FSTL4: variants seen among roughly 807,000 people sequenced by gnomAD.
The protein encoded by FSTL4 is follistatin like 4.
FSTL4 carries 28 observed loss-of-function variants against 78.2 expected under a neutral mutation model. The ratio of observed to expected loss-of-function variants is 0.36; its 90% confidence interval spans 0.27 to 0.49. The LOEUF (loss-of-function observed/expected upper bound fraction) is 0.49. Among genes scored for constraint, FSTL4 ranks in the 20% least tolerant of loss-of-function variants. The probability of loss-of-function intolerance (pLI) is 0.98; values close to 1 mark genes in which losing one functional copy is unlikely to be tolerated. For synonymous variants in FSTL4, 422 were observed against 440.5 expected, an observed-to-expected ratio of 0.96 and a Z score of 0.53; for missense variants, 922 against 1,084.9, an observed-to-expected ratio of 0.85 and a Z score of 2.11.
chr5:133,686,913 G>A, the FSTL4 span, among the ~76,000 whole-genome samples: 1 of 152,234 alleles, frequency 6.6e-6, no homozygotes, highest in Non-Finnish European at 1.5e-5. Context: ...GCCAGGCATG[G>A]AAGACTGGTC....
chr5:133,734,067 T>C, the FSTL4 span, among the ~76,000 whole-genome samples: 1 of 152,334 alleles, frequency 6.6e-6, no homozygotes, highest in African/African-American at 2.4e-5. Context: ...AGCCTTGGAA[T>C]GCAAATATTG....
At chr5:133,313,307 G>A (rs1052402669) in intron 5 of FSTL4, among the ~76,000 whole-genome samples, 1 of 152,056 alleles carries the variant, frequency 6.6e-6, no homozygotes, top group Non-Finnish European at 1.5e-5. Flanking sequence ...AGACCCCTCC[G>A]TTCTATCCAC....
At chr5:133,827,321 G>T in the FSTL4 span, among the ~76,000 whole-genome samples, 2 of 152,164 alleles carry the variant, frequency 1.3e-5, no homozygotes, top group African/African-American at 4.8e-5. Context: ...CATGTTCAAG[G>T]ACAGGCCTTC....
At chr5:133,355,260 A>G (rs1417070132) in intron 4 of FSTL4, among the ~76,000 whole-genome samples, 2 of 152,206 alleles carry the variant, frequency 1.3e-5, no homozygotes, top group Non-Finnish European at 2.9e-5. Context: ...AGTTTTGAAA[A>G]CAAATAACAC....
intron 6 of FSTL4, 96 bp from the exon 7 acceptor site, chr5:133,249,672 GC>G (rs1277056360): frequency 4.6e-6 from 4 of 873,104 alleles, no homozygotes; most frequent in Admixed American, 4.8e-5. Context: ...GGTGGAAGAG[GC>G]CCAGAAGGGC....
intron 6 of FSTL4, among the ~76,000 whole-genome samples, chr5:133,283,944 C>A (rs1417148758): frequency 6.6e-6 from 1 of 152,128 alleles, no homozygotes; most frequent in African/African-American, 2.4e-5. Flanking sequence ...AGAGCAAAGG[C>A]GGAAGTGCTA....
the FSTL4 span, among the ~76,000 whole-genome samples, chr5:133,782,284 C>G: frequency 6.6e-6 from 1 of 152,254 alleles, no homozygotes; most frequent in African/African-American, 2.4e-5. Context: ...CTGCTGTTAA[C>G]AAAAATATGT....
chr5:133,348,036 G>C (rs1754734021), intron 4 of FSTL4, among the ~76,000 whole-genome samples: 1 of 152,114 alleles, frequency 6.6e-6, no homozygotes, highest in Non-Finnish European at 1.5e-5. Flanking sequence ...ATGGCCAGTG[G>C]TTTTTCATTT....
the FSTL4 span, among the ~76,000 whole-genome samples, chr5:133,715,647 C>T: frequency 6.6e-6 from 1 of 152,196 alleles, no homozygotes; most frequent in African/African-American, 2.4e-5. Context: ...TCTCAAAGGA[C>T]AAGCAGCCAC....
At chr5:133,675,660 G>A in the FSTL4 span, among the ~76,000 whole-genome samples, 2 of 152,226 alleles carry the variant, frequency 1.3e-5, no homozygotes, top group South Asian at 2.1e-4. Flanking sequence ...AGGGCTTTCT[G>A]CCAAACCAGG....
intron 6 of FSTL4, among the ~76,000 whole-genome samples, chr5:133,305,320 C>T (rs142212396): frequency 1.9e-3 from 297 of 152,348 alleles, no homozygotes; most frequent in African/African-American, 6.8e-3. Flanking sequence ...CAAGCCCTGG[C>T]CTCTGAGTCT....
At chr5:133,729,083 G>A in the FSTL4 span, among the ~76,000 whole-genome samples, 5 of 152,158 alleles carry the variant, frequency 3.3e-5, no homozygotes, top group African/African-American at 1.2e-4. Flanking sequence ...TGCTGAAGCT[G>A]AGAGGAACAA....
the FSTL4 span, among the ~76,000 whole-genome samples, chr5:133,689,451 A>AT: frequency 1.3e-5 from 2 of 152,160 alleles, no homozygotes; most frequent in Non-Finnish European, 2.9e-5. Context: ...ATACATTTGC[A>AT]TTTTTTTCCC....
At chr5:133,404,063 A>T (rs1756298721) in intron 3 of FSTL4, among the ~76,000 whole-genome samples, 1 of 152,220 alleles carries the variant, frequency 6.6e-6, no homozygotes, top group African/African-American at 2.4e-5. Context: ...GTTCTCCCTG[A>T]CATGGAAATT....
chr5:133,441,834 G>A (rs1331905110), intron 3 of FSTL4, among the ~76,000 whole-genome samples: 2 of 152,218 alleles, frequency 1.3e-5, no homozygotes, highest in African/African-American at 4.8e-5. Context: ...GGCAAGCCCA[G>A]CTTCTCTCTT....
At chr5:133,650,754 G>T in the FSTL4 span, among the ~76,000 whole-genome samples, 1 of 152,136 alleles carries the variant, frequency 6.6e-6, no homozygotes, top group South Asian at 2.1e-4. Flanking sequence ...CTTCAACATT[G>T]TTCTGGCTAT....
At chr5:133,347,143 T>C (rs11740983) in intron 4 of FSTL4, among the ~76,000 whole-genome samples, 100,418 of 151,996 alleles carry the variant, frequency 0.66, 34,157 homozygotes, top group African/African-American at 0.83. Flanking sequence ...CCCGTTTGTC[T>C]GCTGCATTGT....
chr5:133,324,686 G>T (rs1754163266), intron 4 of FSTL4, among the ~76,000 whole-genome samples: 1 of 152,194 alleles, frequency 6.6e-6, no homozygotes, highest in East Asian at 1.9e-4. Flanking sequence ...CACATAGAAG[G>T]GGCTCATTCA....
the FSTL4 span, among the ~76,000 whole-genome samples, chr5:133,829,807 C>T: frequency 6.6e-6 from 1 of 152,188 alleles, no homozygotes; most frequent in African/African-American, 2.4e-5. Context: ...AAAGCCTCCC[C>T]AGAGACAAGG....
Sources: allele counts gnomAD v4.1 joint callset (sites outside exome capture counted in the v4.1 genomes callset), GRCh38; gene constraint gnomAD v4.1.1; transcripts MANE v1.5; gene names NCBI Gene and HGNC (gene_info 2026-07-23, HGNC 2026-07-21).